The following ADGRV1 variants were observed in gnomAD, a reference collection of about 807,000 sequenced individuals.
ADGRV1 encodes adhesion G protein-coupled receptor V1.
In ADGRV1, 359 loss-of-function variants were observed where a neutral mutation model predicts 596.2. The ratio of observed to expected loss-of-function variants is 0.60; its 90% CI spans 0.55 to 0.66. The LOEUF is 0.66. ADGRV1 is among the 30% of genes least tolerant of loss of function. The pLI is 0.00. For synonymous variants in ADGRV1, 2,681 were observed against 2,679.2 expected, an observed-to-expected ratio of 1.00 and a Z score of -0.02; for missense variants, 7,274 against 7,575.6, an observed-to-expected ratio of 0.96 and a Z score of 1.48.
At chr5:90,596,650 C>T (rs138105777) in intron 1 of ADGRV1, among the ~76,000 whole-genome samples, 8,757 of 151,948 alleles carry the variant, frequency 0.058, 823 homozygotes, top group African/African-American at 0.2. Context: ...ACCAGTCAGG[C>T]GTGGCGGCGC....
rs189516608 is a variant in ADGRV1, at chr5:91,069,227, C to G, written c.18153-3220C>G. On this transcript the variant is annotated intron_variant, in intron 85 of 89. Transcript: ENST00000405460. Reference sequence around the variant, plus strand: ...AGGAAATACCATTCTGGACATAGGCCCTGGCACAATGTCCATGGAGATTTC... The same window carrying G: ...AGGAAATACCATTCTGGACATAGGCGCTGGCACAATGTCCATGGAGATTTC... 8.2e-4 allele frequency among the ~76,000 whole-genome samples: 124 copies of G among 152,074 alleles called. 2 individuals carry two copies. The highest frequency in any genetic ancestry group is 1.6e-4 in the Non-Finnish European group (11 of 67,956).
chr5:91,063,955 T>A (rs1158900086), intron 85 of ADGRV1, among the ~76,000 whole-genome samples: 1 of 152,160 alleles, frequency 6.6e-6, no homozygotes, highest in Non-Finnish European at 1.5e-5. Context: ...TTATTGTAAA[T>A]ATATTCTACC....
At chr5:90,649,724 A>G (rs1426266940) in intron 17 of ADGRV1, among the ~76,000 whole-genome samples, 1 of 152,088 alleles carries the variant, frequency 6.6e-6, no homozygotes, top group African/African-American at 2.4e-5. Flanking sequence ...CCTGACCTCA[A>G]GCAATTCGCC....
At chr5:90,720,797 T>G (rs1456534290) in intron 44 of ADGRV1, 138 bp from the exon 45 acceptor site, 5 of 589,596 alleles carry the variant, frequency 8.5e-6, no homozygotes, top group Admixed American at 3.2e-5. Flanking sequence ...TAACTGATTT[T>G]TAGTATTTTC....
chr5:90,662,947 T>C (rs1358434003), intron 21 of ADGRV1, among the ~76,000 whole-genome samples: 1 of 150,962 alleles, frequency 6.6e-6, no homozygotes, highest in Non-Finnish European at 1.5e-5. Context: ...GAACTCATCA[T>C]TTTTTATGGC....
chr5:90,974,459 G>C (rs985916566), intron 84 of ADGRV1, among the ~76,000 whole-genome samples: 2 of 152,118 alleles, frequency 1.3e-5, no homozygotes, highest in East Asian at 1.9e-4. Context: ...ATAGTACAAG[G>C]CTACATTAAC....
chr5:90,883,146 A>T (rs183856865), intron 83 of ADGRV1, among the ~76,000 whole-genome samples: 2 of 152,226 alleles, frequency 1.3e-5, no homozygotes, highest in East Asian at 3.8e-4. Context: ...GTTCAAAGAC[A>T]CAACTGTGAA....
chr5:90,885,484 T>C (rs1434547068), intron 83 of ADGRV1, among the ~76,000 whole-genome samples: 2 of 152,190 alleles, frequency 1.3e-5, no homozygotes, highest in Admixed American at 1.3e-4. Flanking sequence ...AAATTAAAGT[T>C]TGTCTCTACA....
At chr5:90,630,568 T>C (rs1456004991) in intron 9 of ADGRV1, 2 of 152,206 alleles carry the variant, frequency 1.3e-5, no homozygotes, top group South Asian at 2.1e-4. Flanking sequence ...TATTAAATTA[T>C]GTAAATCAAT....
At position 90,679,583 on chromosome 5, in the gene ADGRV1, T is replaced by C; in HGVS notation, c.5478T>C (p.Ser1826=). 1.9e-6 allele frequency: 3 copies of C among 1,613,738 alleles called. No homozygotes were observed. The highest frequency in any genetic ancestry group is 2.5e-6 in the Non-Finnish European group (3 of 1,179,746). ...AELFRVDGSG[S]GDGDMEFFLP... ...TCTTTAGGGTTGATGGAAGTGGTAG[T>C]GGTGATGGGGACATGGAATTCTTCC... is the stretch of plus-strand genomic sequence containing the variant. Residue 1826 remains serine (S), a synonymous_variant, in exon 26 of 90, where the codon AGT becomes AGC. Coordinates refer to ENST00000405460, the MANE Select transcript of ADGRV1 (RefSeq NM_032119.4).
chr5:90,580,708 T>TA, intron 1 of ADGRV1, among the ~76,000 whole-genome samples: 1 of 152,210 alleles, frequency 6.6e-6, no homozygotes, highest in Admixed American at 6.5e-5. Flanking sequence ...TGGCTGCCCT[T>TA]AACATTTTTT....
intron 83 of ADGRV1, among the ~76,000 whole-genome samples, chr5:90,945,300 G>A (rs1311138475): frequency 1.3e-5 from 2 of 151,430 alleles, no homozygotes; most frequent in East Asian, 1.9e-4. Context: ...CTTCAATAAC[G>A]AGAGAGGAAG....
chr5:90,813,013 G>A (rs929329086), intron 74 of ADGRV1, among the ~76,000 whole-genome samples: 35 of 150,594 alleles, frequency 2.3e-4, no homozygotes, highest in African/African-American at 3.4e-4. Context: ...GGCACCTGTC[G>A]TCCCAGCTAC....
intron 84 of ADGRV1, among the ~76,000 whole-genome samples, chr5:90,976,268 A>C (rs1779574279): frequency 6.9e-6 from 1 of 144,064 alleles, no homozygotes; most frequent in African/African-American, 2.6e-5. Flanking sequence ...TAGTGTATAT[A>C]TGTTTACGTG....
Position 90,705,694 on chromosome 5 carries a change from C to T in ADGRV1, c.8566+115C>T, listed in dbSNP as rs545574250. Reference sequence around the variant, plus strand: ...CGGGGACAGGAGAAAATTAATATTTCTTCATTCAGGACAGAACTTTATAAC... The same window carrying T: ...CGGGGACAGGAGAAAATTAATATTTTTTCATTCAGGACAGAACTTTATAAC... On this transcript the variant is annotated intron_variant, in intron 37 of 89. Coordinates refer to ENST00000405460, the MANE Select transcript of ADGRV1 (RefSeq NM_032119.4). The T allele has an allele frequency of 3.7e-4, 286 of 775,788 alleles. 2 individuals are homozygous for T. Among genetic ancestry groups the T allele is most frequent in the South Asian group, 2.4e-3 (129 of 53,572 alleles). 48.1% of individuals were successfully genotyped at this position (775,788 alleles called of 1,614,324 possible). A position where few individuals can be genotyped will look rare whatever the true frequency, so the allele number is the denominator to read the frequency against.
At chr5:90,806,728 T>A (rs1761935510) in intron 72 of ADGRV1, among the ~76,000 whole-genome samples, 1 of 152,228 alleles carries the variant, frequency 6.6e-6, no homozygotes, top group African/African-American at 2.4e-5. Context: ...AGTTCCCAAA[T>A]AATAGATCTG....
chr5:91,085,824 A>G (rs1027331682), intron 86 of ADGRV1, among the ~76,000 whole-genome samples: 3 of 152,162 alleles, frequency 2.0e-5, no homozygotes, highest in Non-Finnish European at 2.9e-5. Flanking sequence ...TGCTTTATCA[A>G]ATTACTGCCC....
rs1362670738 is a variant in ADGRV1, at chr5:90,676,152, T to A, written c.5386T>A (p.Ser1796Thr). 2 of 1,607,554 alleles carry A rather than the reference T, an allele frequency of 1.2e-6. No homozygotes were observed. Among genetic ancestry groups the A allele is most frequent in the Non-Finnish European group, 1.7e-6 (2 of 1,176,366 alleles). Reference sequence around the variant, plus strand: ...CATTTTCATAAACATCACTGATAATTCTATTCCTGAACTGGAAAAATCTTT... The same window carrying A: ...CATTTTCATAAACATCACTGATAATACTATTCCTGAACTGGAAAAATCTTT... Reference protein sequence around the residue: ...KYIFINITDNSIPELEKSFKV... With the variant: ...KYIFINITDNTIPELEKSFKV... Residue 1796 changes from serine to threonine, a missense_variant, in exon 25 of 90, where the codon TCT becomes ACT. Physicochemically the swap from Ser to Thr is moderately conservative, Grantham distance 58. Around this residue, in one of 5 missense-constraint regions of ADGRV1, gnomAD observed 3,643 missense variants for 3,809.2 expected, o/e 0.96. Transcript: ENST00000405460.
intron 77 of ADGRV1, among the ~76,000 whole-genome samples, chr5:90,829,976 A>G (rs1196869149): frequency 6.6e-6 from 1 of 151,936 alleles, no homozygotes; most frequent in African/African-American, 2.4e-5. Context: ...CAATGTTTCA[A>G]GATTCCAAAC....
Sources: gnomAD v4.1 joint callset for allele counts (sites outside exome capture counted in the v4.1 genomes callset) on GRCh38, gnomAD v4.1.1 for gene constraint, gnomAD v4.1.1 regional missense constraint, MANE v1.5 for transcripts, NCBI Gene and HGNC (gene_info 2026-07-23, HGNC 2026-07-21) for gene names.